The following SLC4A4 variants were observed in gnomAD, a reference collection of about 807,000 sequenced individuals.
The protein encoded by SLC4A4 is solute carrier family 4 member 4.
In SLC4A4, 27 loss-of-function variants were observed where a neutral mutation model predicts 111.5. That is an observed-to-expected ratio of 0.24 (90% CI 0.18 to 0.33). The LOEUF is 0.33. SLC4A4 is among the 10% of genes least tolerant of loss of function. The probability of loss-of-function intolerance (pLI) is 1.00; values close to 1 mark genes in which losing one functional copy is unlikely to be tolerated. For missense variants in SLC4A4, 909 were observed against 1,315.5 expected (o/e 0.69, Z 4.78); for synonymous variants, 443 against 463.4 (o/e 0.96, Z 0.57).
intron 6 of SLC4A4, among the ~76,000 whole-genome samples, chr4:71,395,083 A>C (rs1329543327): frequency 6.6e-6 from 1 of 152,194 alleles, no homozygotes; most frequent in East Asian, 1.9e-4. Context: ...ACAAAATAAA[A>C]TAAAGAATTG....
intron 3 of SLC4A4, among the ~76,000 whole-genome samples, chr4:71,322,542 A>G (rs992724882): frequency 3.3e-5 from 5 of 152,020 alleles, no homozygotes; most frequent in Non-Finnish European, 5.9e-5. Flanking sequence ...CCTAATGTTG[A>G]TGAGAATTGA....
At chr4:71,370,761 T>G (rs1180924949) in intron 6 of SLC4A4, among the ~76,000 whole-genome samples, 1 of 152,228 alleles carries the variant, frequency 6.6e-6, no homozygotes, top group Non-Finnish European at 1.5e-5. Context: ...TTTTTAAGTT[T>G]CATTTATTCC....
upstream of SLC4A4, among the ~76,000 whole-genome samples, chr4:71,183,301 T>C (rs78183976): frequency 0.013 from 1,969 of 152,332 alleles, 48 homozygotes; most frequent in African/African-American, 0.045. Context: ...AGAGCTCAGT[T>C]GCTAAAGCTG....
chr4:71,424,541 C>T (rs1051689034), intron 7 of SLC4A4, among the ~76,000 whole-genome samples: 12 of 151,988 alleles, frequency 7.9e-5, no homozygotes, highest in Admixed American at 3.9e-4. Flanking sequence ...CACATGCACA[C>T]GTATGTTTAT....
chr4:71,207,715 A>C (rs36024916), intron 1 of SLC4A4, among the ~76,000 whole-genome samples: 2 of 152,248 alleles, frequency 1.3e-5, no homozygotes, highest in African/African-American at 4.8e-5. Flanking sequence ...TAAGAACTGC[A>C]TGAAGGCTTA....
chr4:71,403,314 A>G (rs1273045891), intron 7 of SLC4A4, among the ~76,000 whole-genome samples: 1 of 152,244 alleles, frequency 6.6e-6, no homozygotes, highest in Non-Finnish European at 1.5e-5. Context: ...TTCATTCAAA[A>G]TGTATATTCT....
At chr4:71,431,531 A>T (rs1723643773) in intron 7 of SLC4A4, among the ~76,000 whole-genome samples, 1 of 152,062 alleles carries the variant, frequency 6.6e-6, no homozygotes, top group African/African-American at 2.4e-5. Flanking sequence ...TAGGTTCCAG[A>T]TTTAACCTTT....
At chr4:71,068,044 T>C (rs1363654968) in intron 1 of SLC4A4, among the ~76,000 whole-genome samples, 1 of 148,346 alleles carries the variant, frequency 6.7e-6, no homozygotes, top group African/African-American at 2.5e-5. Context: ...CCACTGCATA[T>C]GGCCTTTTTG....
At chr4:71,432,420 AT>A (rs1265854678) in intron 7 of SLC4A4, among the ~76,000 whole-genome samples, 1 of 152,142 alleles carries the variant, frequency 6.6e-6, no homozygotes, top group African/African-American at 2.4e-5. Flanking sequence ...ACAATTTATA[AT>A]TGCAACTTCC....
intron 1 of SLC4A4, among the ~76,000 whole-genome samples, chr4:71,209,889 T>C (rs1049667719): frequency 6.6e-6 from 1 of 152,224 alleles, no homozygotes; most frequent in African/African-American, 2.4e-5. Context: ...ATCATTATTA[T>C]TTTTATTTGG....
At chr4:71,269,905 G>A (rs150504666) in intron 3 of SLC4A4, among the ~76,000 whole-genome samples, 8 of 152,238 alleles carry the variant, frequency 5.3e-5, no homozygotes, top group Middle Eastern at 3.4e-3. Flanking sequence ...CTCCATTCTC[G>A]TGATCTGTGA....
At chr4:71,100,253 C>T (rs147652841) in intron 2 of SLC4A4, among the ~76,000 whole-genome samples, 32 of 152,152 alleles carry the variant, frequency 2.1e-4, no homozygotes, top group African/African-American at 5.1e-4. Context: ...GCTAATCCAT[C>T]ACGATCAAAT....
chr4:71,310,972 G>A (rs764746639), intron 3 of SLC4A4, among the ~76,000 whole-genome samples: 2 of 152,090 alleles, frequency 1.3e-5, no homozygotes, highest in African/African-American at 2.4e-5. Flanking sequence ...CAAAATAAAG[G>A]GATGGAGGAA....
At chr4:71,510,634 A>G (rs1349267719) in intron 16 of SLC4A4, among the ~76,000 whole-genome samples, 6 of 152,122 alleles carry the variant, frequency 3.9e-5, no homozygotes, top group African/African-American at 1.4e-4. Context: ...TCTTTTAGGC[A>G]GCATATAGTT....
Position 71,530,453 on chromosome 4 carries a change from T to C in SLC4A4, c.2167-1609T>C, listed in dbSNP as rs572595032. ...GGAAATAATGGTGCAGGAGTTCCAA[T>C]AGTGGTTGTGCTCCCAACTGCTGTA... On this transcript the variant is annotated intron_variant, in intron 16 of 25. Coordinates refer to ENST00000264485, the MANE Select transcript of SLC4A4 (RefSeq NM_001098484.3). Among the ~76,000 whole-genome samples, 18 of 152,216 alleles carry C rather than the reference T, an allele frequency of 1.2e-4. No homozygotes were observed. In the South Asian group the frequency reaches 3.7e-3, roughly 32 times the overall value.
intron 4 of SLC4A4, among the ~76,000 whole-genome samples, chr4:71,343,116 G>A (rs901654641): frequency 2.0e-5 from 3 of 152,184 alleles, no homozygotes; most frequent in South Asian, 2.1e-4. Flanking sequence ...TCCTGGCAGT[G>A]TCTGATTCAT....
chr4:71,268,368 A>G (rs1438240919), intron 3 of SLC4A4, among the ~76,000 whole-genome samples: 1 of 152,168 alleles, frequency 6.6e-6, no homozygotes, highest in Non-Finnish European at 1.5e-5. Context: ...AGATCAGATG[A>G]CGAGGTCAAG....
chr4:71,500,419 A>G (rs1041671814), intron 16 of SLC4A4, among the ~76,000 whole-genome samples: 1 of 151,982 alleles, frequency 6.6e-6, no homozygotes, highest in African/African-American at 2.4e-5. Flanking sequence ...CTTTTCCTTT[A>G]TGTTTTCTTT....
chr4:71,413,595 A>G (rs1467068774), intron 7 of SLC4A4, among the ~76,000 whole-genome samples: 2 of 152,152 alleles, frequency 1.3e-5, no homozygotes, highest in Non-Finnish European at 2.9e-5. Context: ...GGCTTTTTTG[A>G]AAAAAAGAAA....
Sources: allele counts gnomAD v4.1 joint callset (sites outside exome capture counted in the v4.1 genomes callset), GRCh38; gene constraint gnomAD v4.1.1; transcripts MANE v1.5; gene names NCBI Gene and HGNC (gene_info 2026-07-23, HGNC 2026-07-21).